Variants in SHROOM3 observed in about 807,000 individuals in gnomAD.
SHROOM3 encodes protein Shroom3.
A neutral mutation model predicts 138.6 loss-of-function variants in SHROOM3; 47 were observed. The ratio of observed to expected loss-of-function variants is 0.34; its 90% confidence interval spans 0.27 to 0.43. SHROOM3 has a LOEUF of 0.43. Ranked by LOEUF, SHROOM3 falls within the 20% of genes least tolerant of loss-of-function variation. The pLI, the probability that SHROOM3 is intolerant of heterozygous loss-of-function variation, is 1.00. For synonymous variants in SHROOM3, 1,062 were observed against 1,063.3 expected (o/e 1.00, Z 0.02); for missense variants, 2,491 against 2,596.5 (o/e 0.96, Z 0.88).
chr4:76,662,445 C>T (rs1170733096), intron 2 of SHROOM3, among the ~76,000 whole-genome samples: 1 of 152,204 alleles, frequency 6.6e-6, no homozygotes. Flanking sequence ...TCCTCTTCTA[C>T]TGCCAGGCAG....
At chr4:76,562,944 C>T (rs1350118904) in intron 2 of SHROOM3, among the ~76,000 whole-genome samples, 1 of 152,064 alleles carries the variant, frequency 6.6e-6, no homozygotes, top group Non-Finnish European at 1.5e-5. Flanking sequence ...GATTGTGTAG[C>T]ACGAAGGTGC....
chr4:76,776,460 C>T (rs1176384111), intron 10 of SHROOM3, among the ~76,000 whole-genome samples: 1 of 152,136 alleles, frequency 6.6e-6, no homozygotes, highest in Admixed American at 6.5e-5. Context: ...TAAGTCCTAT[C>T]TATTTATCTT....
In SHROOM3 at chr4:76,519,432, T is replaced by C. The variant is rs559087326; in HGVS notation, c.169-36177T>C. Among the ~76,000 whole-genome samples the C allele has an allele frequency of 3.9e-5, 6 of 152,182 alleles. No individual in the cohort carries two copies. In the South Asian group the frequency reaches 1.2e-3, roughly 32 times the overall value. ...AAAAAAGCAGAAGAAATAGACAAAA[T>C]AGAAAAATAACAATATAAATTATGC... On this transcript the variant is annotated intron_variant, in intron 1 of 10. Transcript: ENST00000296043.
At chr4:76,712,091 C>T (rs1173977300) in intron 3 of SHROOM3, among the ~76,000 whole-genome samples, 1 of 152,148 alleles carries the variant, frequency 6.6e-6, no homozygotes, top group Non-Finnish European at 1.5e-5. Context: ...AAGGAGGTGT[C>T]CACAGGGCCC....
intron 4 of SHROOM3, among the ~76,000 whole-genome samples, chr4:76,733,098 T>G (rs1283455573): frequency 3.3e-5 from 5 of 152,086 alleles, no homozygotes; most frequent in Non-Finnish European, 1.5e-5. Context: ...CTCCTAACCT[T>G]CTTATGAAGC....
At chr4:76,742,092 CT>C in intron 5 of SHROOM3, 166 bp downstream of exon 5, 1 of 891,068 alleles carries the variant, frequency 1.1e-6, no homozygotes, top group Non-Finnish European at 1.8e-6. Flanking sequence ...TCAAGTGTCC[CT>C]TACCTGGTTT....
chr4:76,442,928 T>G (rs1000503867), intron 1 of SHROOM3, among the ~76,000 whole-genome samples: 1 of 152,186 alleles, frequency 6.6e-6, no homozygotes, highest in African/African-American at 2.4e-5. Context: ...AGAGAGGATA[T>G]TCTTAAAAAT....
chr4:76,729,452 G>T (rs1258731278), intron 3 of SHROOM3, among the ~76,000 whole-genome samples: 1 of 151,904 alleles, frequency 6.6e-6, no homozygotes, highest in Admixed American at 6.6e-5. Flanking sequence ...TGTTTCCCTT[G>T]CTTCACACAA....
intron 2 of SHROOM3, among the ~76,000 whole-genome samples, chr4:76,556,437 T>C (rs1044140253): frequency 2.6e-5 from 4 of 152,170 alleles, no homozygotes; most frequent in African/African-American, 9.7e-5. Flanking sequence ...ATGAACCCCA[T>C]GAGATAGCTA....
In SHROOM3 at chr4:76,549,402, T is replaced by C. The variant is rs143337146; in HGVS notation, c.169-6207T>C. Among the ~76,000 whole-genome samples the C allele has an allele frequency of 4.1e-3, 628 of 151,758 alleles. 9 individuals carry two copies. The highest frequency in any genetic ancestry group is 0.015 in the African/African-American group (601 of 41,360). ...TTTTTTTTTTGAGATGGCGTCTCGC[T>C]CTGTTGCCCGGGCTGGAGTGCAGTG... is the stretch of plus-strand genomic sequence containing the variant. On this transcript the variant is annotated intron_variant, in intron 1 of 10. Coordinates refer to ENST00000296043, the MANE Select transcript of SHROOM3 (RefSeq NM_020859.4).
intron 2 of SHROOM3, among the ~76,000 whole-genome samples, chr4:76,620,091 A>AAAAAAAAAAAAAAAAAAAAAAAAAG (rs749696462): frequency 1.5e-5 from 2 of 135,352 alleles, no homozygotes; most frequent in East Asian, 2.3e-4. Flanking sequence ...AAAAAAAAAA[A>AAAAAAAAAAAAAAAAAAAAAAAAAG]AAGAAGAAAA....
chr4:76,739,777 A>T lies in SHROOM3; in HGVS notation c.1604A>T (p.Glu535Val). 6.2e-7 allele frequency: 1 copy of T among 1,614,174 alleles called. No individual in the cohort carries two copies. The highest frequency in any genetic ancestry group is 1.7e-5 in the Admixed American group (1 of 60,018). Residue 535 changes from glutamate (E) to valine (V), a missense_variant, in exon 5 of 11, where the codon GAA (glutamate) becomes GTA (valine). This residue lies in a region of SHROOM3 where 1,733 missense variants were observed against 1,661.6 expected (regional missense o/e 1.04). Coordinates refer to ENST00000296043, the MANE Select transcript of SHROOM3 (RefSeq NM_020859.4). ...RPGFAFCQPL[E>V]HDLLSPVEKK... ...GGGTTTGCCTTCTGCCAGCCCTTAG[A>T]ACATGACTTGCTGTCCCCAGTGGAG...
At chr4:76,510,261 A>G (rs1186326000) in intron 1 of SHROOM3, among the ~76,000 whole-genome samples, 2 of 152,208 alleles carry the variant, frequency 1.3e-5, no homozygotes, top group Non-Finnish European at 1.5e-5. Flanking sequence ...CTATGCATTA[A>G]AAAAGGCTGA....
intron 2 of SHROOM3, among the ~76,000 whole-genome samples, chr4:76,588,466 A>G (rs185347305): frequency 6.6e-6 from 1 of 152,278 alleles, no homozygotes; most frequent in East Asian, 1.9e-4. Flanking sequence ...ACAATGGGGC[A>G]CAAGAAAGCC....
At chr4:76,513,135 C>T (rs1422311150) in intron 1 of SHROOM3, among the ~76,000 whole-genome samples, 1 of 152,134 alleles carries the variant, frequency 6.6e-6, no homozygotes, top group African/African-American at 2.4e-5. Flanking sequence ...TTTCCTTTGA[C>T]TTCAAAGGTC....
At chr4:76,471,304 C>T (rs1032981153) in intron 1 of SHROOM3, among the ~76,000 whole-genome samples, 3 of 149,050 alleles carry the variant, frequency 2.0e-5, no homozygotes, top group African/African-American at 7.5e-5. Flanking sequence ...AGTGCAGTGG[C>T]GTGATCTTGG....
rs116712915 is a variant in SHROOM3 at position 76,517,924 on chromosome 4, G to T, written c.169-37685G>T. Among the ~76,000 whole-genome samples the T allele has an allele frequency of 6.7e-3, 1,019 of 152,254 alleles. 11 individuals carry two copies. The highest frequency in any genetic ancestry group is 0.023 in the African/African-American group (972 of 41,540). ...GATATTGCGGCTGCAGCAGAGCAAG[G>T]GCTGCATATAGAAGAGGAACATGAA... is the stretch of plus-strand genomic sequence containing the variant. On this transcript the variant is annotated intron_variant, in intron 1 of 10. Coordinates refer to ENST00000296043, the MANE Select transcript of SHROOM3 (RefSeq NM_020859.4).
At chr4:76,650,761 T>C (rs1735938634) in intron 2 of SHROOM3, among the ~76,000 whole-genome samples, 1 of 152,092 alleles carries the variant, frequency 6.6e-6, no homozygotes, top group Non-Finnish European at 1.5e-5. Flanking sequence ...GCCAGGCTGA[T>C]CTTGAACTCC....
intron 9 of SHROOM3, among the ~76,000 whole-genome samples, chr4:76,764,234 T>G (rs1385163631): frequency 6.6e-6 from 1 of 152,254 alleles, no homozygotes; most frequent in African/African-American, 2.4e-5. Context: ...TTGATATACG[T>G]AAAACTAAAG....
Sources: allele counts gnomAD v4.1 joint callset (sites outside exome capture counted in the v4.1 genomes callset), GRCh38; gene constraint gnomAD v4.1.1; regional missense constraint gnomAD v4.1.1; transcripts MANE v1.5; gene names NCBI Gene and HGNC (gene_info 2026-07-23, HGNC 2026-07-21).